Variants in POU6F2 observed in about 807,000 individuals in gnomAD.
The protein encoded by POU6F2 is POU domain, class 6, transcription factor 2.
POU6F2 carries 31 observed loss-of-function variants against 71.3 expected under a neutral mutation model. That is an observed-to-expected ratio of 0.43 (90% CI 0.33 to 0.59). The LOEUF is 0.59. Ranked by LOEUF, POU6F2 falls within the 20% of genes least tolerant of loss-of-function variation. The pLI is 0.04. For missense variants in POU6F2, 783 were observed against 856.8 expected (o/e 0.91, Z 1.07); for synonymous variants, 347 against 355.7 (o/e 0.98, Z 0.27).
intron 4 of POU6F2, among the ~76,000 whole-genome samples, chr7:39,274,848 C>T (rs202052692): frequency 0.46 from 65,254 of 142,914 alleles, 15,018 homozygotes; most frequent in East Asian, 0.64. Context: ...CAAAATTCAA[C>T]AACCCTTCAT....
intron 1 of POU6F2, among the ~76,000 whole-genome samples, chr7:39,039,176 T>A (rs1277190776): frequency 6.6e-6 from 1 of 152,026 alleles, no homozygotes; most frequent in African/African-American, 2.4e-5. Context: ...ACTCTCTATC[T>A]GATTTTCTCG....
chr7:39,267,635 T>G (rs1784271969), intron 4 of POU6F2, among the ~76,000 whole-genome samples: 1 of 137,284 alleles, frequency 7.3e-6, no homozygotes, highest in Admixed American at 8.0e-5. Flanking sequence ...AAAAATATTT[T>G]ATTTATTTTT....
intron 1 of POU6F2, among the ~76,000 whole-genome samples, chr7:39,017,421 G>A (rs1789582041): frequency 6.6e-6 from 1 of 152,062 alleles, no homozygotes; most frequent in Non-Finnish European, 1.5e-5. Flanking sequence ...ATTGTTATGT[G>A]TATTATCACA....
chr7:38,996,772 G>C (rs1161558532), intron 1 of POU6F2, among the ~76,000 whole-genome samples: 1 of 152,114 alleles, frequency 6.6e-6, no homozygotes, highest in Non-Finnish European at 1.5e-5. Context: ...GTTCAAGCAG[G>C]CTTACTCTAT....
In POU6F2 at chr7:39,124,480, G is replaced by A. The variant is rs146387991; in HGVS notation, c.277+38449G>A. Among the ~76,000 whole-genome samples, 603 of 152,314 alleles carry A rather than the reference G, an allele frequency of 4.0e-3. 5 individuals are homozygous for A. Among genetic ancestry groups the A allele is most frequent in the African/African-American group, 0.014 (578 of 41,566 alleles). ...ATAAATAAGAATAACTTCCCAGACG[G>A]TGGGAAGACTTGTTATTGTCATTAT... On this transcript the variant is annotated intron_variant, in intron 2 of 9. Transcript: ENST00000518318.
intron 1 of POU6F2, among the ~76,000 whole-genome samples, chr7:39,029,156 C>T (rs948398269): frequency 2.6e-5 from 4 of 152,184 alleles, no homozygotes; most frequent in Non-Finnish European, 5.9e-5. Flanking sequence ...TTCAACTTTT[C>T]ATATTATTAT....
intron 4 of POU6F2, among the ~76,000 whole-genome samples, chr7:39,215,818 A>G (rs1794230227): frequency 6.6e-6 from 1 of 152,158 alleles, no homozygotes. Flanking sequence ...AGAGTGTCCC[A>G]GGGAGAAGTC....
At chr7:39,219,178 T>G (rs889188154) in intron 4 of POU6F2, among the ~76,000 whole-genome samples, 1 of 152,164 alleles carries the variant, frequency 6.6e-6, no homozygotes, top group African/African-American at 2.4e-5. Context: ...TGCTTACCCC[T>G]TATTTAGCCG....
intron 5 of POU6F2, among the ~76,000 whole-genome samples, chr7:39,388,078 A>C (rs746771266): frequency 1.4e-4 from 22 of 152,346 alleles, no homozygotes; most frequent in Non-Finnish European, 3.1e-4. Flanking sequence ...AATGTTTTTC[A>C]ATCTTTATAA....
At chr7:39,038,735 A>T (rs779235607) in intron 1 of POU6F2, among the ~76,000 whole-genome samples, 1 of 152,002 alleles carries the variant, frequency 6.6e-6, no homozygotes, top group Non-Finnish European at 1.5e-5. Flanking sequence ...TCTTGCTGAT[A>T]TCTTAATTAA....
At chr7:39,370,666 A>G (rs916307917) in intron 5 of POU6F2, among the ~76,000 whole-genome samples, 4 of 152,360 alleles carry the variant, frequency 2.6e-5, no homozygotes, top group African/African-American at 9.6e-5. Flanking sequence ...TGATTGGGCC[A>G]CGTTGCCCAC....
chr7:39,330,601 G>A (rs556949592), intron 4 of POU6F2, among the ~76,000 whole-genome samples: 10 of 152,242 alleles, frequency 6.6e-5, no homozygotes, highest in African/African-American at 2.4e-4. Flanking sequence ...CTCTCAGTGT[G>A]GATTTTAGTG....
chr7:39,297,743 G>A (rs1270343932), intron 4 of POU6F2, among the ~76,000 whole-genome samples: 1 of 152,032 alleles, frequency 6.6e-6, no homozygotes, highest in Non-Finnish European at 1.5e-5. Context: ...CACACTACCT[G>A]ACTTCAAACT....
chr7:39,178,775 G>A lies in POU6F2; in HGVS notation c.278-25460G>A, dbSNP rs892486242. ...GCACTGAGAAGGCTGCCTGGCTCTC[G>A]TGTCCTCTGTTGACTGCCAGTTTAC... On this transcript the variant is annotated intron_variant, in intron 2 of 9. Transcript: ENST00000518318. Among the ~76,000 whole-genome samples, 16 of 152,134 alleles carry A rather than the reference G, an allele frequency of 1.1e-4. No homozygotes were observed. In the East Asian group the frequency reaches 1.2e-3, roughly 11 times the overall value.
intron 2 of POU6F2, among the ~76,000 whole-genome samples, chr7:39,194,875 T>C (rs894962754): frequency 2.0e-5 from 3 of 151,952 alleles, no homozygotes; most frequent in Non-Finnish European, 2.9e-5. Context: ...CTTTAAGAGC[T>C]TAACACTGTG....
chr7:39,039,248 G>T (rs1367836867), intron 1 of POU6F2, among the ~76,000 whole-genome samples: 4 of 151,976 alleles, frequency 2.6e-5, no homozygotes, highest in South Asian at 2.1e-4. Context: ...GATACAAGAG[G>T]TTATAGAATG....
intron 5 of POU6F2, among the ~76,000 whole-genome samples, chr7:39,372,178 C>T (rs968238178): frequency 2.0e-5 from 3 of 152,180 alleles, no homozygotes; most frequent in Admixed American, 2.0e-4. Context: ...GCTTTAGCCT[C>T]CCAAAGTGCT....
chr7:39,149,692 C>A (rs760167951), intron 2 of POU6F2, among the ~76,000 whole-genome samples: 3 of 152,120 alleles, frequency 2.0e-5, no homozygotes, highest in Non-Finnish European at 2.9e-5. Context: ...CTACCTCCTG[C>A]CGATCGTAAC....
chr7:39,066,452 G>T (rs1790754487), intron 1 of POU6F2, among the ~76,000 whole-genome samples: 1 of 151,780 alleles, frequency 6.6e-6, no homozygotes, highest in African/African-American at 2.4e-5. Context: ...ATATATATGT[G>T]TACAGTCCTA....
Sources: gnomAD v4.1 joint callset for allele counts (sites outside exome capture counted in the v4.1 genomes callset) on GRCh38, gnomAD v4.1.1 for gene constraint, MANE v1.5 for transcripts, NCBI Gene and HGNC (gene_info 2026-07-23, HGNC 2026-07-21) for gene names.